SUSD1: variants seen among roughly 807,000 people sequenced by gnomAD.
SUSD1 encodes sushi domain-containing protein 1.
Under a neutral mutation model 86.9 loss-of-function variants are expected in SUSD1, and 65 were observed. The observed-to-expected ratio is 0.75, with a 90% CI of 0.61 to 0.92. The LOEUF is 0.92. SUSD1 is among the 40% of genes least tolerant of loss of function. The pLI, the probability that SUSD1 is intolerant of heterozygous loss-of-function variation, is 0.00. For missense variants in SUSD1, 850 were observed against 929.7 expected (o/e 0.91, Z 1.11); for synonymous variants, 346 against 350.0 (o/e 0.99, Z 0.13).
At chr9:112,130,924 G>A (rs1343249588) in intron 5 of SUSD1, among the ~76,000 whole-genome samples, 1 of 152,090 alleles carries the variant, frequency 6.6e-6, no homozygotes, top group East Asian at 1.9e-4. Context: ...TTGGGAGGCT[G>A]AGGTGGGAGA....
intron 6 of SUSD1, among the ~76,000 whole-genome samples, chr9:112,120,410 A>G (rs2131675420): frequency 6.6e-6 from 1 of 152,314 alleles, no homozygotes; most frequent in East Asian, 1.9e-4. Flanking sequence ...GCTGAGCAAG[A>G]GCCATGGTAA....
intron 8 of SUSD1, among the ~76,000 whole-genome samples, chr9:112,109,682 G>C (rs2131639308): frequency 6.6e-6 from 1 of 152,326 alleles, no homozygotes; most frequent in South Asian, 2.1e-4. Flanking sequence ...TTGGATATTA[G>C]TAAAAACAGC....
intron 14 of SUSD1, among the ~76,000 whole-genome samples, chr9:112,054,222 G>C (rs1048844627): frequency 8.5e-5 from 13 of 152,170 alleles, no homozygotes; most frequent in African/African-American, 3.1e-4. Flanking sequence ...AGAGAACCTA[G>C]AAATAAACCC....
intron 2 of SUSD1, among the ~76,000 whole-genome samples, chr9:112,152,046 T>C (rs1401385164): frequency 1.8e-5 from 2 of 113,884 alleles, no homozygotes; most frequent in African/African-American, 3.7e-5. Flanking sequence ...AAAAAAAAAA[T>C]ACAAAAATTA....
At chr9:112,164,488 G>T (rs62569084) in intron 1 of SUSD1, among the ~76,000 whole-genome samples, 1 of 150,830 alleles carries the variant, frequency 6.6e-6, no homozygotes, top group African/African-American at 2.4e-5. Flanking sequence ...GCAAAGTTAC[G>T]TAAGCTATGA....
chr9:112,149,112 T>C, intron 3 of SUSD1, 132 bp downstream of exon 3: 1 of 1,259,552 alleles, frequency 7.9e-7, no homozygotes, highest in Non-Finnish European at 1.1e-6. Context: ...ATAAGAATAT[T>C]ATCCTATATA....
chr9:112,121,716 A>G (rs1831563171), intron 6 of SUSD1, among the ~76,000 whole-genome samples: 1 of 152,198 alleles, frequency 6.6e-6, no homozygotes, highest in African/African-American at 2.4e-5. Context: ...ACCCAGATCA[A>G]AGCTCCTGGA....
At chr9:112,156,659 C>T (rs1447581213) in intron 2 of SUSD1, among the ~76,000 whole-genome samples, 1 of 152,116 alleles carries the variant, frequency 6.6e-6, no homozygotes, top group Non-Finnish European at 1.5e-5. Context: ...GATCCTCCCA[C>T]CTCAGCCTCC....
At chr9:112,085,924 C>A (rs1337947230) in intron 10 of SUSD1, among the ~76,000 whole-genome samples, 2 of 152,016 alleles carry the variant, frequency 1.3e-5, no homozygotes, top group East Asian at 3.8e-4. Context: ...CAGAGTGAGA[C>A]CCTGTCTCAA....
intron 10 of SUSD1, among the ~76,000 whole-genome samples, chr9:112,089,303 CA>C (rs1830107686): frequency 6.6e-6 from 1 of 151,956 alleles, no homozygotes; most frequent in Admixed American, 6.6e-5. Flanking sequence ...AAATATAACA[CA>C]ATACATATAG....
intron 5 of SUSD1, among the ~76,000 whole-genome samples, chr9:112,128,040 C>T (rs1831854611): frequency 6.6e-6 from 1 of 151,398 alleles, no homozygotes; most frequent in South Asian, 2.1e-4. Context: ...CGGACTCAAG[C>T]AATCTTACCG....
At chr9:112,054,909 G>A (rs568061567) in intron 14 of SUSD1, among the ~76,000 whole-genome samples, 9 of 152,180 alleles carry the variant, frequency 5.9e-5, no homozygotes, top group East Asian at 5.8e-4. Context: ...CAGAATGGGC[G>A]AAAATATTTG....
intron 5 of SUSD1, among the ~76,000 whole-genome samples, chr9:112,127,966 CT>C (rs1389532630): frequency 3.3e-5 from 5 of 152,088 alleles, no homozygotes; most frequent in African/African-American, 1.2e-4. Flanking sequence ...CCATGCCCAG[CT>C]AATTTTTCAG....
chr9:112,138,865 T>C (rs1832435038), intron 5 of SUSD1, among the ~76,000 whole-genome samples: 1 of 152,234 alleles, frequency 6.6e-6, no homozygotes, highest in Non-Finnish European at 1.5e-5. Flanking sequence ...ACATTTGAGA[T>C]TGTTTCTAAT....
At chr9:112,069,031 T>C (rs534911905) in intron 12 of SUSD1, among the ~76,000 whole-genome samples, 1 of 152,018 alleles carries the variant, frequency 6.6e-6, no homozygotes, top group East Asian at 1.9e-4. Context: ...GTTAGAAACA[T>C]AGGTCTGGAG....
intron 6 of SUSD1, 64 bp downstream of exon 6, chr9:112,124,193 A>T: frequency 6.6e-7 from 1 of 1,506,642 alleles, no homozygotes; most frequent in Non-Finnish European, 9.0e-7. Context: ...AGATAGTTTT[A>T]GGCCCTCGGC....
At chr9:112,165,758 T>C (rs968554635) in intron 1 of SUSD1, among the ~76,000 whole-genome samples, 30 of 149,448 alleles carry the variant, frequency 2.0e-4, no homozygotes, top group Admixed American at 2.0e-3. Flanking sequence ...TAAGAATCAT[T>C]TATTTAGATG....
At chr9:112,117,838 G>A (rs1831392616) in intron 6 of SUSD1, among the ~76,000 whole-genome samples, 1 of 152,214 alleles carries the variant, frequency 6.6e-6, no homozygotes, top group Non-Finnish European at 1.5e-5. Flanking sequence ...TTGTGGAAAG[G>A]TTGAGAAGAA....
intron 3 of SUSD1, among the ~76,000 whole-genome samples, chr9:112,148,905 T>C (rs370685209): frequency 1.7e-4 from 23 of 131,586 alleles, no homozygotes; most frequent in Admixed American, 1.6e-3. Flanking sequence ...GACCCCCCCC[T>C]TAAAAAAAAA....
Sources: allele counts gnomAD v4.1 joint callset (sites outside exome capture counted in the v4.1 genomes callset), GRCh38; gene constraint gnomAD v4.1.1; transcripts MANE v1.5; gene names NCBI Gene and HGNC (gene_info 2026-07-23, HGNC 2026-07-21).